ELMO1: variants seen among roughly 807,000 people sequenced by gnomAD.
The protein encoded by ELMO1 is engulfment and cell motility protein 1.
A neutral mutation model predicts 98.9 loss-of-function variants in ELMO1; 26 were observed. The ratio of observed to expected loss-of-function variants is 0.26; its 90% CI spans 0.19 to 0.36. ELMO1 has a LOEUF of 0.36. Among genes scored for constraint, ELMO1 ranks in the 10% least tolerant of loss-of-function variants. The probability of loss-of-function intolerance (pLI) is 1.00; values close to 1 mark genes in which losing one functional copy is unlikely to be tolerated. For synonymous variants in ELMO1, 346 were observed against 346.0 expected (o/e 1.00, Z 0.00); for missense variants, 627 against 935.2 (o/e 0.67, Z 4.30).
intron 13 of ELMO1, among the ~76,000 whole-genome samples, chr7:37,193,000 T>C (rs1018215571): frequency 9.8e-6 from 1 of 102,390 alleles, no homozygotes; most frequent in African/African-American, 3.9e-5. Context: ...TATATATATA[T>C]ATATATATAC....
intron 15 of ELMO1, among the ~76,000 whole-genome samples, chr7:37,085,198 T>A (rs1584619459): frequency 1.3e-5 from 2 of 152,282 alleles, no homozygotes; most frequent in East Asian, 3.9e-4. Context: ...AATAAAAGCA[T>A]TCTAGAGCTT....
intron 1 of ELMO1, among the ~76,000 whole-genome samples, chr7:37,377,357 G>T (rs139034187): frequency 1.3e-5 from 2 of 152,080 alleles, no homozygotes; most frequent in African/African-American, 4.8e-5. Context: ...ATGTGTCTCG[G>T]GGTAGCCAAA....
intron 13 of ELMO1, among the ~76,000 whole-genome samples, chr7:37,154,641 C>T (rs1788602995): frequency 6.6e-6 from 1 of 152,162 alleles, no homozygotes; most frequent in Admixed American, 6.5e-5. Context: ...ACTAACAAAG[C>T]CTCTAAGAAA....
At chr7:36,946,145 C>T (rs1161979354) in intron 16 of ELMO1, among the ~76,000 whole-genome samples, 1 of 152,232 alleles carries the variant, frequency 6.6e-6, no homozygotes, top group Non-Finnish European at 1.5e-5. Flanking sequence ...ACTTGGGCAG[C>T]CCTGCTGCCA....
intron 16 of ELMO1, among the ~76,000 whole-genome samples, chr7:36,897,336 G>GTGTGTA (rs1554351189): frequency 6.7e-6 from 1 of 148,212 alleles, no homozygotes; most frequent in Non-Finnish European, 1.5e-5. Flanking sequence ...GTGTGTGTGT[G>GTGTGTA]TGTGTGTGTG....
intron 1 of ELMO1, among the ~76,000 whole-genome samples, chr7:37,395,155 C>G (rs1377794790): frequency 1.3e-5 from 2 of 151,958 alleles, no homozygotes; most frequent in Admixed American, 1.3e-4. Context: ...CACCTGAGGT[C>G]GGGAGTTTGA....
At chr7:36,940,242 G>A (rs543996727) in intron 16 of ELMO1, among the ~76,000 whole-genome samples, 2 of 152,316 alleles carry the variant, frequency 1.3e-5, no homozygotes, top group Admixed American at 1.3e-4. Flanking sequence ...CAGTCACACT[G>A]GGGCAAATCT....
At chr7:37,158,634 C>G (rs1039517483) in intron 13 of ELMO1, among the ~76,000 whole-genome samples, 2 of 152,122 alleles carry the variant, frequency 1.3e-5, no homozygotes, top group African/African-American at 4.8e-5. Context: ...GAATGGCGAT[C>G]ATTAAAAAGT....
At chr7:37,128,476 A>C (rs1438592912) in intron 14 of ELMO1, among the ~76,000 whole-genome samples, 1 of 152,128 alleles carries the variant, frequency 6.6e-6, no homozygotes, top group Non-Finnish European at 1.5e-5. Flanking sequence ...ATGCCTCCAG[A>C]TTTTACTCCA....
chr7:37,356,884 T>C (rs1015427405), intron 1 of ELMO1, among the ~76,000 whole-genome samples: 1 of 152,178 alleles, frequency 6.6e-6, no homozygotes, highest in Non-Finnish European at 1.5e-5. Context: ...AAGTGGGTCA[T>C]AGAAACTAGA....
At chr7:37,349,780 C>T (rs1397628960) in intron 1 of ELMO1, among the ~76,000 whole-genome samples, 1 of 152,210 alleles carries the variant, frequency 6.6e-6, no homozygotes, top group African/African-American at 2.4e-5. Context: ...GAACACCGCC[C>T]TGCATGGTAC....
At chr7:37,367,279 CTCTT>C (rs1801943099) in intron 1 of ELMO1, among the ~76,000 whole-genome samples, 1 of 152,244 alleles carries the variant, frequency 6.6e-6, no homozygotes, top group African/African-American at 2.4e-5. Context: ...ATCCCTCCCT[CTCTT>C]TCTCTCTCCC....
At chr7:37,439,866 C>A (rs1805319434) in intron 1 of ELMO1, among the ~76,000 whole-genome samples, 1 of 152,082 alleles carries the variant, frequency 6.6e-6, no homozygotes, top group Non-Finnish European at 1.5e-5. Context: ...TGTTTAATTT[C>A]ATGTGATTTG....
chr7:37,402,226 T>C (rs1803567208), intron 1 of ELMO1, among the ~76,000 whole-genome samples: 1 of 152,156 alleles, frequency 6.6e-6, no homozygotes, highest in Non-Finnish European at 1.5e-5. Flanking sequence ...TCCAGCAATA[T>C]TCTGCTTGAT....
At chr7:37,170,735 T>C (rs1248024806) in intron 13 of ELMO1, among the ~76,000 whole-genome samples, 28 of 151,866 alleles carry the variant, frequency 1.8e-4, no homozygotes. Flanking sequence ...GCCTCGCAAG[T>C]AGCTGGGATT....
At chr7:37,328,036 T>C (rs1323576119) in intron 2 of ELMO1, among the ~76,000 whole-genome samples, 4 of 152,166 alleles carry the variant, frequency 2.6e-5, no homozygotes, top group Non-Finnish European at 4.4e-5. Flanking sequence ...TACCAGATGA[T>C]ATTACTAAGT....
At chr7:37,117,520 C>T (rs928371465) in intron 14 of ELMO1, among the ~76,000 whole-genome samples, 8 of 152,222 alleles carry the variant, frequency 5.3e-5, no homozygotes, top group African/African-American at 1.9e-4. Context: ...ATGCTTGAAG[C>T]ATTCCATTCA....
intron 13 of ELMO1, among the ~76,000 whole-genome samples, chr7:37,208,558 G>C (rs1792768614): frequency 6.6e-6 from 1 of 152,218 alleles, no homozygotes; most frequent in Admixed American, 6.5e-5. Context: ...GGGAAGTACA[G>C]AGAGAATTCT....
intron 13 of ELMO1, among the ~76,000 whole-genome samples, chr7:37,210,436 G>A (rs1474705426): frequency 1.3e-5 from 2 of 151,504 alleles, no homozygotes; most frequent in Non-Finnish European, 2.9e-5. Context: ...AACACATAAA[G>A]CATGATACCA....
Sources: gnomAD v4.1 joint callset for allele counts (sites outside exome capture counted in the v4.1 genomes callset) on GRCh38, gnomAD v4.1.1 for gene constraint, MANE v1.5 for transcripts, NCBI Gene and HGNC (gene_info 2026-07-23, HGNC 2026-07-21) for gene names.